CPE: variants seen among roughly 807,000 people sequenced by gnomAD.
CPE encodes carboxypeptidase E.
Under a neutral mutation model 53.5 loss-of-function variants are expected in CPE, and 17 were observed. That is an observed-to-expected ratio of 0.32 (90% confidence interval 0.22 to 0.48). The LOEUF (loss-of-function observed/expected upper bound fraction) is 0.48. Among genes scored for constraint, CPE ranks in the 20% least tolerant of loss-of-function variants. The probability of loss-of-function intolerance (pLI) is 0.99; values close to 1 mark genes in which losing one functional copy is unlikely to be tolerated. For missense variants in CPE, 524 were observed against 614.7 expected (o/e 0.85, Z 1.56); for synonymous variants, 226 against 228.8 (o/e 0.99, Z 0.11).
rs968138899 is a variant in CPE, at chr4:165,379,996, T to A, written c.307+468T>A. On this transcript the variant is annotated intron_variant, in intron 1 of 8. Coordinates refer to ENST00000402744, the MANE Select transcript of CPE (RefSeq NM_001873.4). The surrounding 1 kb of genome is among the most constrained non-coding windows in gnomAD (Gnocchi z 6.0). The stretch of plus-strand genomic sequence containing the variant: ...AAGATAAGGTGCAGAAGGCAGTGAT[T>A]GAGAGGAAAGGAGAACGAGGGAGAA... 6.6e-6 allele frequency among the ~76,000 whole-genome samples: 1 copy of A among 152,184 alleles called. No homozygotes were observed. The highest frequency in any genetic ancestry group is 2.4e-5 in the African/African-American group (1 of 41,428).
At chr4:165,410,982 C>T (rs925817437) in intron 1 of CPE, among the ~76,000 whole-genome samples, 3 of 152,000 alleles carry the variant, frequency 2.0e-5, no homozygotes, top group African/African-American at 7.3e-5. Flanking sequence ...GTAGATAAAT[C>T]GAAGACCAGA....
At chr4:165,434,955 C>T (rs1731471971) in intron 1 of CPE, among the ~76,000 whole-genome samples, 1 of 152,098 alleles carries the variant, frequency 6.6e-6, no homozygotes, top group African/African-American at 2.4e-5. Context: ...TAAAAAAAAG[C>T]CTGGCACCTC....
intron 7 of CPE, among the ~76,000 whole-genome samples, chr4:165,493,612 C>G (rs1732649852): frequency 6.6e-6 from 1 of 152,174 alleles, no homozygotes; most frequent in African/African-American, 2.4e-5. Flanking sequence ...CAGTGACTTT[C>G]TAGTCTCTGT....
chr4:165,491,543 ATTTC>A (rs1385208481), intron 6 of CPE, among the ~76,000 whole-genome samples: 5 of 152,140 alleles, frequency 3.3e-5, no homozygotes, highest in African/African-American at 1.2e-4. Flanking sequence ...CAATGGCTGA[ATTTC>A]AAACTCTTTT....
chr4:165,440,662 A>G (rs56313859), intron 1 of CPE, among the ~76,000 whole-genome samples: 6,555 of 152,180 alleles, frequency 0.043, 194 homozygotes, highest in Middle Eastern at 0.085. Flanking sequence ...AGCCCTATAT[A>G]AACATTAGCA....
chr4:165,380,370 T>G (rs1306969253), intron 1 of CPE, among the ~76,000 whole-genome samples: 2 of 152,230 alleles, frequency 1.3e-5, no homozygotes, highest in Non-Finnish European at 2.9e-5. Context: ...CCATCTGTAT[T>G]CGTCTTTCCT....
chr4:165,463,074 C>T (rs946883617), intron 1 of CPE, among the ~76,000 whole-genome samples: 4 of 152,114 alleles, frequency 2.6e-5, no homozygotes, highest in African/African-American at 4.8e-5. Flanking sequence ...TTTGCTGCTA[C>T]GTTCTGCAAT....
intron 5 of CPE, among the ~76,000 whole-genome samples, chr4:165,486,145 T>C (rs778659651): frequency 2.6e-5 from 4 of 151,958 alleles, no homozygotes; most frequent in Non-Finnish European, 4.4e-5. Flanking sequence ...AGAGATAGCA[T>C]GATGTAACTC....
intron 1 of CPE, among the ~76,000 whole-genome samples, chr4:165,406,932 C>T (rs939760195): frequency 2.0e-5 from 3 of 152,186 alleles, no homozygotes; most frequent in African/African-American, 7.2e-5. Context: ...CATGTTGTAG[C>T]ATGTATTAGT....
chr4:165,420,434 T>C (rs906324296), intron 1 of CPE, among the ~76,000 whole-genome samples: 2 of 152,174 alleles, frequency 1.3e-5, no homozygotes, highest in South Asian at 2.1e-4. Flanking sequence ...GTAAAACAAC[T>C]ATTTATTTTT....
At chr4:165,382,252 A>G (rs1026223038) in intron 1 of CPE, among the ~76,000 whole-genome samples, 9 of 152,240 alleles carry the variant, frequency 5.9e-5, no homozygotes, top group Admixed American at 1.3e-4. Context: ...TGAAGAATTG[A>G]TGACAAAAGA....
At chr4:165,390,076 AC>A (rs1379919972) in intron 1 of CPE, among the ~76,000 whole-genome samples, 17 of 152,178 alleles carry the variant, frequency 1.1e-4, no homozygotes. Context: ...ATGCAAGCAC[AC>A]CTGCTTCTCC....
At chr4:165,495,748 G>A in intron 8 of CPE, 71 bp downstream of exon 8, 1 of 1,096,572 alleles carries the variant, frequency 9.1e-7, no homozygotes, top group Non-Finnish European at 1.3e-6. Flanking sequence ...GCATACTGAA[G>A]TGATTTATAT....
intron 1 of CPE, among the ~76,000 whole-genome samples, chr4:165,408,833 T>C (rs865853127): frequency 2.0e-5 from 3 of 152,142 alleles, no homozygotes; most frequent in Non-Finnish European, 2.9e-5. Context: ...GAGCCTTCAG[T>C]TGGGGTGGAG....
chr4:165,459,085 G>A (rs1000962652), intron 1 of CPE, among the ~76,000 whole-genome samples: 1 of 152,156 alleles, frequency 6.6e-6, no homozygotes, highest in Non-Finnish European at 1.5e-5. Flanking sequence ...AGTTTCTGGG[G>A]TGTAAAAGAG....
intron 1 of CPE, among the ~76,000 whole-genome samples, chr4:165,401,246 G>A (rs17686882): frequency 0.23 from 34,532 of 151,982 alleles, 4,351 homozygotes; most frequent in Middle Eastern, 0.36. Flanking sequence ...TTCGTTACAC[G>A]CCTTTTCCAT....
chr4:165,447,039 A>G (rs1731728532), intron 1 of CPE, among the ~76,000 whole-genome samples: 2 of 152,208 alleles, frequency 1.3e-5, no homozygotes, highest in African/African-American at 2.4e-5. Flanking sequence ...ACTGTACTGA[A>G]CACTGTCATA....
At chr4:165,432,899 G>A (rs887897725) in intron 1 of CPE, among the ~76,000 whole-genome samples, 1 of 152,022 alleles carries the variant, frequency 6.6e-6, no homozygotes, top group Non-Finnish European at 1.5e-5. Flanking sequence ...CCACGTCTTC[G>A]TTGTTCTTGA....
At position 165,464,310 on chromosome 4, in the gene CPE, A is replaced by G. The variant is rs113007858; in HGVS notation, c.308-80A>G. On this transcript the variant is annotated intron_variant, in intron 1 of 8. Transcript: ENST00000402744. ...GGAGGAAAAAACCCATCAGATATTC[A>G]TAATACATTTGTAGGTATACAATAT... is the stretch of plus-strand genomic sequence containing the variant. 1.7e-3 allele frequency: 1,906 copies of G among 1,137,030 alleles called. 16 individuals are homozygous for G. The African/African-American group carries it at 0.026, about 16-fold the overall frequency. 70.4% of individuals were successfully genotyped at this position (1,137,030 alleles called of 1,614,324 possible). A position where few individuals can be genotyped will look rare whatever the true frequency, so the allele number is the denominator to read the frequency against.
Sources: gnomAD v4.1 joint callset for allele counts (sites outside exome capture counted in the v4.1 genomes callset) on GRCh38, gnomAD v4.1.1 for gene constraint, Gnocchi (gnomAD v3.1) non-coding constraint, MANE v1.5 for transcripts, NCBI Gene and HGNC (gene_info 2026-07-23, HGNC 2026-07-21) for gene names.